The following MAPK10 variants were observed in gnomAD, a reference collection of about 807,000 sequenced individuals.
The protein encoded by MAPK10 is mitogen-activated protein kinase 10, also known as JNK3 alpha protein kinase.
MAPK10 carries 25 observed loss-of-function variants against 59.3 expected under a neutral mutation model. The ratio of observed to expected loss-of-function variants is 0.42; its 90% CI spans 0.31 to 0.59. The LOEUF (loss-of-function observed/expected upper bound fraction) is 0.59, where lower values mean the gene tolerates loss of function less well. Among genes scored for constraint, MAPK10 ranks in the 20% least tolerant of loss-of-function variants. The probability of loss-of-function intolerance (pLI) is 0.15; values close to 1 mark genes in which losing one functional copy is unlikely to be tolerated. For synonymous variants in MAPK10, 190 were observed against 200.5 expected (o/e 0.95, Z 0.44); for missense variants, 351 against 568.9 (o/e 0.62, Z 3.90).
At chr4:86,386,141 T>TG (rs943213029) in intron 1 of MAPK10, among the ~76,000 whole-genome samples, 2 of 152,056 alleles carry the variant, frequency 1.3e-5, no homozygotes, top group Non-Finnish European at 2.9e-5. Flanking sequence ...CGGAGGGAAA[T>TG]GGGGGGGAAT....
intron 3 of MAPK10, among the ~76,000 whole-genome samples, chr4:86,169,969 T>C (rs1016213470): frequency 1.1e-4 from 17 of 152,050 alleles, no homozygotes; most frequent in Admixed American, 2.6e-4. Flanking sequence ...AACTAAGCTT[T>C]ATAAGTGAAG....
rs115040476 is a variant in MAPK10, at chr4:86,562,844, A to T, written c.-263+31066T>A. On this transcript the variant is annotated intron_variant, in intron 1 of 4. Coordinates refer to the MAPK10 transcript ENST00000502302. ...GATTACACTGCTGCCTGTGTTTAGA[A>T]TGTTCTCTGTTGAAATCCTACCCAT... Among the ~76,000 whole-genome samples, 512 of 152,314 alleles carry T rather than the reference A, an allele frequency of 3.4e-3. 1 individual carries two copies. The highest frequency in any genetic ancestry group is 0.012 in the African/African-American group (495 of 41,570).
intron 2 of MAPK10, among the ~76,000 whole-genome samples, chr4:86,215,784 C>T (rs2087340138): frequency 6.6e-6 from 1 of 152,156 alleles, no homozygotes; most frequent in African/African-American, 2.4e-5. Flanking sequence ...ATCGCTTGAA[C>T]CCGGGAGGCG....
intron 4 of MAPK10, among the ~76,000 whole-genome samples, chr4:86,149,001 T>C (rs997076302): frequency 6.6e-6 from 1 of 152,206 alleles, no homozygotes; most frequent in Non-Finnish European, 1.5e-5. Context: ...CAGGAAACAG[T>C]TGGCTTCAAC....
intron 2 of MAPK10, among the ~76,000 whole-genome samples, chr4:86,225,792 AG>A (rs1351609365): frequency 2.6e-5 from 4 of 152,234 alleles, no homozygotes; most frequent in African/African-American, 7.2e-5. Context: ...TATTTCCAAA[AG>A]GCAGTGCACT....
chr4:86,067,662 T>C (rs2148994236), intron 10 of MAPK10, 111 bp downstream of exon 10: 3 of 899,114 alleles, frequency 3.3e-6, no homozygotes, highest in Middle Eastern at 3.6e-4. Flanking sequence ...TTATCATGTG[T>C]CAACTAAAAA....
intron 1 of MAPK10, among the ~76,000 whole-genome samples, chr4:86,427,716 T>C (rs564729860): frequency 6.6e-6 from 1 of 152,334 alleles, no homozygotes; most frequent in East Asian, 1.9e-4. Context: ...TAAACAAATT[T>C]CTCATTTCAT....
intron 1 of MAPK10, among the ~76,000 whole-genome samples, chr4:86,516,588 G>C (rs560204781): frequency 6.6e-6 from 1 of 152,210 alleles, no homozygotes; most frequent in African/African-American, 2.4e-5. Flanking sequence ...TCTTCGTAAA[G>C]ATCTTTCACC....
At chr4:86,036,720 T>C (rs1037402882) in intron 11 of MAPK10, among the ~76,000 whole-genome samples, 1 of 151,986 alleles carries the variant, frequency 6.6e-6, no homozygotes, top group Non-Finnish European at 1.5e-5. Context: ...AAACAAGAAA[T>C]AGAAACATAA....
intron 4 of MAPK10, among the ~76,000 whole-genome samples, chr4:86,135,201 G>A (rs2061742470): frequency 1.3e-5 from 2 of 152,238 alleles, no homozygotes; most frequent in South Asian, 2.1e-4. Flanking sequence ...AAGGAGGCCT[G>A]CCTGCCTCTG....
At chr4:86,358,308 G>C (rs970576857) in intron 1 of MAPK10, 2 of 985,208 alleles carry the variant, frequency 2.0e-6, no homozygotes, top group African/African-American at 3.5e-5. Flanking sequence ...TCCAGGGTCC[G>C]ACAACTAGCC....
intron 3 of MAPK10, among the ~76,000 whole-genome samples, chr4:86,190,017 G>C (rs1258546138): frequency 6.6e-6 from 1 of 152,138 alleles, no homozygotes; most frequent in Non-Finnish European, 1.5e-5. Context: ...TGTGGTTTTT[G>C]TCATTGGTTC....
intron 1 of MAPK10, among the ~76,000 whole-genome samples, chr4:86,448,393 A>T (rs1230719546): frequency 1.5e-5 from 2 of 134,618 alleles, no homozygotes; most frequent in African/African-American, 2.7e-5. Flanking sequence ...AATTAAAAAG[A>T]ATTCTGGGTT....
intron 1 of MAPK10, among the ~76,000 whole-genome samples, chr4:86,483,302 T>G (rs1753745614): frequency 6.6e-6 from 1 of 152,124 alleles, no homozygotes; most frequent in Non-Finnish European, 1.5e-5. Context: ...TTAGGTCAGT[T>G]AACAACTTAA....
chr4:86,039,755 A>G (rs1033257713), intron 11 of MAPK10, among the ~76,000 whole-genome samples: 4 of 152,200 alleles, frequency 2.6e-5, no homozygotes, highest in Non-Finnish European at 5.9e-5. Context: ...CAGCCTCTAC[A>G]GATGTAGGCA....
chr4:86,493,393 A>T (rs1376051463), intron 1 of MAPK10, among the ~76,000 whole-genome samples: 1 of 152,216 alleles, frequency 6.6e-6, no homozygotes, highest in Non-Finnish European at 1.5e-5. Flanking sequence ...CACACAGAAA[A>T]GCAAATTTTA....
rs545776492 is a variant in MAPK10 at position 86,076,291 on chromosome 4, T to C, written c.803-8336A>G. On this transcript the variant is annotated intron_variant, in intron 9 of 13. Transcript: ENST00000641462. ...CGCACCCACTGGCCTGCGCCCACTGTCTGGCACTCCCTAGTGAGATGCACC... is the reference window on the plus strand; with the variant it reads ...CGCACCCACTGGCCTGCGCCCACTGCCTGGCACTCCCTAGTGAGATGCACC... Among the ~76,000 whole-genome samples the C allele has an allele frequency of 8.7e-3, 1,325 of 152,268 alleles. 20 individuals carry two copies. Among genetic ancestry groups the C allele is most frequent in the African/African-American group, 0.03 (1,241 of 41,552 alleles).
chr4:86,143,591 CA>C (rs2064124042), intron 4 of MAPK10, among the ~76,000 whole-genome samples: 2 of 152,278 alleles, frequency 1.3e-5, no homozygotes, highest in African/African-American at 4.8e-5. Flanking sequence ...TAGATACCCA[CA>C]ACCAGATTCT....
In MAPK10 at chr4:86,591,365, T is replaced by TTTA. The variant is rs553024157; in HGVS notation, c.-263+2542_-263+2544dup. On this transcript the variant is annotated intron_variant, in intron 1 of 4. Transcript: ENST00000502302. ...AAAGCTCTTGATTTTCATATGTTTT[T>TTTA]TTATTATTATTATTATTGTTATTTT... Among the ~76,000 whole-genome samples the TTTA allele has an allele frequency of 7.1e-3, 1,079 of 152,122 alleles. 8 individuals carry two copies. Among genetic ancestry groups the TTTA allele is most frequent in the Middle Eastern group, 0.01 (3 of 294 alleles).
Sources: gnomAD v4.1 joint callset for allele counts (sites outside exome capture counted in the v4.1 genomes callset) on GRCh38, gnomAD v4.1.1 for gene constraint, MANE v1.5 for transcripts, NCBI Gene and HGNC (gene_info 2026-07-23, HGNC 2026-07-21) for gene names.